LRRCC1: variants seen among roughly 807,000 people sequenced by gnomAD.
LRRCC1 encodes the protein leucine rich repeat and coiled-coil centrosomal protein 1.
A neutral mutation model predicts 126.0 loss-of-function variants in LRRCC1; 115 were observed. The observed-to-expected ratio is 0.91, with a 90% CI of 0.78 to 1.07. The LOEUF is 1.07. LRRCC1 is among the 50% of genes least tolerant of loss of function. The pLI is 0.00. For synonymous variants in LRRCC1, 400 were observed against 393.4 expected (o/e 1.02, Z -0.20); for missense variants, 1,172 against 1,175.7 (o/e 1.00, Z 0.05).
Position 85,115,370 on chromosome 8 carries a change from C to A in LRRCC1, c.721-5C>A, listed in dbSNP as rs770196099. 1 of 1,610,444 alleles carries A rather than the reference C, an allele frequency of 6.2e-7. No homozygotes were observed. Among genetic ancestry groups the A allele is most frequent in the South Asian group, 1.1e-5 (1 of 90,770 alleles). Reference sequence around the variant, plus strand: ...AAAGGATTTTGGTTTGTTTCTGTGTCATAGATCATTGATAGAATGCCAGTG... The same window carrying A: ...AAAGGATTTTGGTTTGTTTCTGTGTAATAGATCATTGATAGAATGCCAGTG... On this transcript the variant is annotated splice_region_variant and splice_polypyrimidine_tract_variant and intron_variant, in intron 5 of 18. Transcript: ENST00000360375.
intron 4 of LRRCC1, among the ~76,000 whole-genome samples, chr8:85,114,556 A>ATTG (rs1271074038): frequency 6.6e-6 from 1 of 152,030 alleles, no homozygotes; most frequent in Non-Finnish European, 1.5e-5. Flanking sequence ...GTCAGATATG[A>ATTG]TTGTTCTTAG....
intron 15 of LRRCC1, 65 bp downstream of exon 15, chr8:85,137,692 T>C: frequency 8.5e-7 from 1 of 1,170,196 alleles, no homozygotes. Flanking sequence ...TGGATCAAAG[T>C]ATCCAAAAGC....
intron 6 of LRRCC1, among the ~76,000 whole-genome samples, chr8:85,122,733 G>T (rs1031253726): frequency 5.3e-5 from 8 of 152,150 alleles, no homozygotes; most frequent in African/African-American, 1.9e-4. Context: ...TTTCTCTTGA[G>T]AATAGGTCAT....
chr8:85,124,761 T>A, intron 7 of LRRCC1, 31 bp from the exon 8 acceptor site: 1 of 1,416,716 alleles, frequency 7.1e-7, no homozygotes, highest in Non-Finnish European at 9.5e-7. Flanking sequence ...ACTACTTTTT[T>A]GAGTTATTTT....
Position 85,107,254 on chromosome 8 carries a change from C to A in LRRCC1, c.-42C>A. ...GCTTGTCCCAAGCTCACGGACCCCT[C>A]GCTGGGTGCCGGTTAAGACCCCGCT... On this transcript the variant is annotated 5_prime_UTR_variant, in exon 1 of 19. Coordinates refer to ENST00000360375, the MANE Select transcript of LRRCC1 (RefSeq NM_033402.5). 8 of 1,567,624 alleles carry A rather than the reference C, an allele frequency of 5.1e-6. No homozygotes were observed. The highest frequency in any genetic ancestry group is 1.2e-5 in the South Asian group (1 of 85,550).
chr8:85,112,995 T>G lies in LRRCC1; in HGVS notation c.440T>G (p.Ile147Arg). The part of the protein sequence containing the change: ...LRYIDLHSNR[I>R]DSIHHLLQCM... ...TATATTGATCTACATAGTAATCGTA[T>G]AGATAGTATCCATCACTTACTTCAG... The change falls in exon 4 of 19, where the codon ATA becomes AGA. Residue 147 changes from isoleucine (I) to arginine (R), a missense_variant. Physicochemically the swap from Ile to Arg is moderately conservative, Grantham distance 97. Transcript: ENST00000360375. 1.9e-6 allele frequency: 3 copies of G among 1,603,694 alleles called. No homozygotes were observed. The highest frequency in any genetic ancestry group is 2.6e-6 in the Non-Finnish European group (3 of 1,172,222).
At chr8:85,110,866 C>T (rs992750282) in intron 3 of LRRCC1, among the ~76,000 whole-genome samples, 1 of 152,090 alleles carries the variant, frequency 6.6e-6, no homozygotes, top group Non-Finnish European at 1.5e-5. Flanking sequence ...TGTTAAAACT[C>T]GCAGAATTCC....
intron 4 of LRRCC1, among the ~76,000 whole-genome samples, chr8:85,113,364 C>A (rs1366840956): frequency 2.0e-5 from 3 of 151,956 alleles, no homozygotes; most frequent in Admixed American, 1.3e-4. Flanking sequence ...ATAGTATATT[C>A]TTTTAATAAT....
chr8:85,110,623 T>G (rs1405312442), intron 3 of LRRCC1, among the ~76,000 whole-genome samples: 2 of 152,244 alleles, frequency 1.3e-5, no homozygotes, highest in Non-Finnish European at 2.9e-5. Flanking sequence ...TAATTTTATT[T>G]AATTTTAATT....
chr8:85,107,404 A>C lies in LRRCC1; in HGVS notation c.104+5A>C. 6.2e-7 allele frequency: 1 copy of C among 1,602,912 alleles called. No homozygotes were observed. ...CATGGACAAAGGCTTGCAGAGGTAA[A>C]GGGCGCTCCGCAGCCAGGAGCGACC... On this transcript the variant is annotated splice_donor_5th_base_variant and intron_variant, in intron 1 of 18. Coordinates refer to ENST00000360375, the MANE Select transcript of LRRCC1 (RefSeq NM_033402.5).
In LRRCC1 at chr8:85,129,195, G is replaced by T; in HGVS notation, c.1442G>T (p.Arg481Ile). 1 of 1,609,008 alleles carries T rather than the reference G, an allele frequency of 6.2e-7. No homozygotes were observed. The highest frequency in any genetic ancestry group is 1.1e-5 in the South Asian group (1 of 90,040). ...TTTAGGCTAAAGGAAATTATTTTTA[G>T]AGAGAGAAATTCCAAAGGACAACTC... ...TTDRLKEIIF[R>I]ERNSKGQLEV... The change falls in exon 10 of 19, where the codon AGA becomes ATA. Residue 481 changes from arginine to isoleucine, a missense_variant. Physicochemically the swap from Arg to Ile is moderately conservative, Grantham distance 97 (BLOSUM62 -3). Transcript: ENST00000360375.
In LRRCC1 at chr8:85,109,755, C is replaced by T; in HGVS notation, c.265C>T (p.Leu89=). ...TGAAGGACTAAACACACTGACAAAA[C>T]TGTGCACATTAAATTTGTCCTGCAA... ...RIEGLNTLTK[L]CTLNLSCNLI... Residue 89 remains leucine (L), a synonymous_variant, in exon 2 of 19, where the codon CTG becomes TTG. Coordinates refer to ENST00000360375, the MANE Select transcript of LRRCC1 (RefSeq NM_033402.5). 6.3e-7 allele frequency: 1 copy of T among 1,595,620 alleles called. No individual in the cohort carries two copies.
Position 85,138,350 on chromosome 8 carries a change from G to C in LRRCC1, c.2715G>C (p.Arg905=), listed in dbSNP as rs777490527. 1.2e-5 allele frequency: 19 copies of C among 1,605,028 alleles called. No homozygotes were observed. The highest frequency in any genetic ancestry group is 5.2e-5 in the Admixed American group (3 of 58,024). Residue 905 remains arginine (R), a synonymous_variant, in exon 17 of 19, where the codon CGG becomes CGC. Coordinates refer to ENST00000360375, the MANE Select transcript of LRRCC1 (RefSeq NM_033402.5). The part of the protein sequence containing the change: ...EIRKAYSTLN[R]KWHDKGELLC... The stretch of plus-strand genomic sequence containing the variant: ...CTTCTCATATTAGTACACTGAATCG[G>C]AAGTGGCATGATAAAGGAGAACTTC...
chr8:85,135,454 C>A (rs1339885919), intron 13 of LRRCC1, among the ~76,000 whole-genome samples: 1 of 152,060 alleles, frequency 6.6e-6, no homozygotes, highest in African/African-American at 2.4e-5. Context: ...CAATTTTAAA[C>A]ATTAATGCTA....
chr8:85,136,398 C>A (rs1294922407), intron 14 of LRRCC1, among the ~76,000 whole-genome samples: 1 of 152,046 alleles, frequency 6.6e-6, no homozygotes, highest in Non-Finnish European at 1.5e-5. Flanking sequence ...CCTCAGCCTC[C>A]CGAGTAGCTG....
At chr8:85,139,542 AG>A (rs1811120605) in intron 17 of LRRCC1, among the ~76,000 whole-genome samples, 1 of 152,166 alleles carries the variant, frequency 6.6e-6, no homozygotes, top group African/African-American at 2.4e-5. Context: ...CTGGGATTAC[AG>A]GGGTGAGCCA....
chr8:85,129,617 T>C (rs1810294516), intron 10 of LRRCC1, among the ~76,000 whole-genome samples: 2 of 152,228 alleles, frequency 1.3e-5, no homozygotes, highest in African/African-American at 4.8e-5. Flanking sequence ...GTGGTTAGGC[T>C]TTTATTCTGA....
chr8:85,123,237 C>T (rs1358067287), intron 6 of LRRCC1, among the ~76,000 whole-genome samples, 176 bp from the exon 7 acceptor site: 1 of 152,102 alleles, frequency 6.6e-6, no homozygotes, highest in Non-Finnish European at 1.5e-5. Flanking sequence ...GGAAAGTCAA[C>T]ATGGTAGAAG....
rs751998365 is a variant in LRRCC1 at position 85,124,809 on chromosome 8, A to G, written c.1142A>G (p.Lys381Arg). 6.4e-7 allele frequency: 1 copy of G among 1,564,674 alleles called. No individual in the cohort carries two copies. The highest frequency in any genetic ancestry group is 1.9e-5 in the Admixed American group (1 of 52,450). ...NSFVSCNRKMKPPYLKELYVS... is the reference protein window; with the variant it reads ...NSFVSCNRKMRPPYLKELYVS... ...CTTTACAGTTGTAATCGTAAAATGAAACCACCTTACCTTAAAGAATTATAT... is the reference window on the plus strand; with the variant it reads ...CTTTACAGTTGTAATCGTAAAATGAGACCACCTTACCTTAAAGAATTATAT... Residue 381 changes from lysine (K) to arginine (R), a missense_variant, in exon 8 of 19, where the codon AAA (lysine) becomes AGA (arginine). Transcript: ENST00000360375.
Sources: gnomAD v4.1 joint callset for allele counts (sites outside exome capture counted in the v4.1 genomes callset) on GRCh38, gnomAD v4.1.1 for gene constraint, MANE v1.5 for transcripts, NCBI Gene and HGNC (gene_info 2026-07-23, HGNC 2026-07-21) for gene names.